FGD4: variants seen among roughly 807,000 people sequenced by gnomAD.
The protein encoded by FGD4 is FYVE, RhoGEF and PH domain containing 4.
FGD4 carries 42 observed loss-of-function variants against 102.0 expected under a neutral mutation model. The ratio of observed to expected loss-of-function variants is 0.41; its 90% confidence interval spans 0.32 to 0.53. FGD4 has a LOEUF of 0.53. Ranked by LOEUF, FGD4 falls within the 20% of genes least tolerant of loss-of-function variation. FGD4 has a pLI of 0.21. For synonymous variants in FGD4, 380 were observed against 375.7 expected (o/e 1.01, Z -0.13); for missense variants, 902 against 1,078.2 (o/e 0.84, Z 2.29).
intron 1 of FGD4, among the ~76,000 whole-genome samples, chr12:32,458,722 T>A (rs992130225): frequency 3.3e-5 from 5 of 152,196 alleles, no homozygotes; most frequent in African/African-American, 1.2e-4. Context: ...TTTCTTAAGG[T>A]TACTTGACAA....
chr12:32,498,163 C>T (rs1937937216), intron 1 of FGD4, among the ~76,000 whole-genome samples: 1 of 152,164 alleles, frequency 6.6e-6, no homozygotes, highest in Admixed American at 6.5e-5. Context: ...ACATAACTCC[C>T]AAAATATGTG....
intron 1 of FGD4, among the ~76,000 whole-genome samples, chr12:32,406,046 T>G (rs1940918516): frequency 6.6e-6 from 1 of 151,920 alleles, no homozygotes; most frequent in African/African-American, 2.4e-5. Flanking sequence ...TGGGTTCAAG[T>G]GATTCTCCTG....
intron 3 of FGD4, among the ~76,000 whole-genome samples, 195 bp downstream of exon 3, chr12:32,576,644 T>C (rs889670119): frequency 6.6e-6 from 1 of 152,232 alleles, no homozygotes; most frequent in African/African-American, 2.4e-5. Flanking sequence ...TTACTATGTA[T>C]TAGCTAGGTA....
chr12:32,423,855 G>T (rs1941739391), intron 1 of FGD4, among the ~76,000 whole-genome samples: 5 of 146,984 alleles, frequency 3.4e-5, no homozygotes, highest in Admixed American at 3.4e-4. Context: ...TGGCACTGGT[G>T]GGAGTGTTTT....
intron 1 of FGD4, among the ~76,000 whole-genome samples, chr12:32,440,652 T>A (rs12313686): frequency 0.041 from 6,250 of 152,148 alleles, 409 homozygotes; most frequent in African/African-American, 0.14. Context: ...TTGCCCAAGG[T>A]TTGCTATAAC....
intron 1 of FGD4, among the ~76,000 whole-genome samples, chr12:32,434,954 TTTTTTCTTTTC>T (rs1361500091): frequency 5.3e-5 from 8 of 152,154 alleles, no homozygotes; most frequent in African/African-American, 1.7e-4. Context: ...CTTTTCTTTT[TTTTTTCTTTTC>T]TTTTCTTTCT....
intron 1 of FGD4, among the ~76,000 whole-genome samples, chr12:32,492,712 G>T (rs1444406479): frequency 6.6e-6 from 1 of 152,148 alleles, no homozygotes; most frequent in East Asian, 1.9e-4. Flanking sequence ...GATGGGAAAA[G>T]ATATCATCAG....
chr12:32,571,215 G>T (rs1367255334), intron 2 of FGD4, among the ~76,000 whole-genome samples: 1 of 152,170 alleles, frequency 6.6e-6, no homozygotes, highest in Non-Finnish European at 1.5e-5. Context: ...TGCACTTTGG[G>T]AGGCTGAGGC....
At chr12:32,607,266 G>C (rs572884390) in intron 7 of FGD4, among the ~76,000 whole-genome samples, 67 of 152,174 alleles carry the variant, frequency 4.4e-4, no homozygotes, top group African/African-American at 1.6e-3. Context: ...AGAAATATCA[G>C]GTGTTTTTAA....
rs1269339938 is a variant in FGD4, at chr12:32,645,243, T to G, written c.*4710T>G. The G allele has an allele frequency of 6.6e-6, 1 of 152,240 alleles. No individual in the cohort carries two copies. Among genetic ancestry groups the G allele is most frequent in the African/African-American group, 2.4e-5 (1 of 41,546 alleles). 9.4% of individuals were successfully genotyped at this position (152,240 alleles called of 1,614,324 possible). ...TATGGATATTGGAATGTATCACTTG[T>G]GGGGGGTTCTCTTCATTAGCAAAAC... On this transcript the variant is annotated 3_prime_UTR_variant, in exon 17 of 17. Transcript: ENST00000534526.
rs1245510421 is a variant in FGD4, at chr12:32,600,588, C to CTTTT, written c.1102-687_1102-686insTTTT. 714 of 257,708 alleles carry CTTTT rather than the reference C, an allele frequency of 2.8e-3. 10 individuals are homozygous for CTTTT. The highest frequency in any genetic ancestry group is 0.022 in the African/African-American group (614 of 28,080). The allele number at this position is 257,708 out of a possible 1,614,324, so 16.0% of individuals were successfully genotyped here. A position where few individuals can be genotyped will look rare whatever the true frequency, so the allele number is the denominator to read the frequency against. On this transcript the variant is annotated intron_variant, in intron 5 of 16. Coordinates refer to ENST00000534526, the MANE Select transcript of FGD4 (RefSeq NM_001370298.3). ...TTTGTTTTTCTTTCTTTCTTTCTTTCTTTCTTTTTTTTTTTTTTGTCTTCA... is the reference window on the plus strand; with the variant it reads ...TTTGTTTTTCTTTCTTTCTTTCTTTCTTTTTTTCTTTTTTTTTTTTTTGTCTTCA...
chr12:32,581,563 G>C (rs1946617293), intron 3 of FGD4, among the ~76,000 whole-genome samples: 1 of 152,134 alleles, frequency 6.6e-6, no homozygotes, highest in Admixed American at 6.5e-5. Context: ...ACATCAATAA[G>C]TAAAAATGTT....
chr12:32,624,335 G>C (rs1592449045), intron 11 of FGD4, 87 bp from the exon 12 acceptor site: 3 of 1,081,590 alleles, frequency 2.8e-6, no homozygotes, highest in East Asian at 5.0e-5. Context: ...TTTCCAGAAA[G>C]TTGGAACAAC....
intron 15 of FGD4, among the ~76,000 whole-genome samples, chr12:32,635,281 G>C (rs16920118): frequency 6.6e-6 from 1 of 152,162 alleles, no homozygotes; most frequent in African/African-American, 2.4e-5. Flanking sequence ...ACTTAATAGC[G>C]ACAACTGATG....
In FGD4 at chr12:32,399,737, C is replaced by G; in HGVS notation, c.-57C>G. 2 of 1,513,018 alleles carry G rather than the reference C, an allele frequency of 1.3e-6. No homozygotes were observed. Among genetic ancestry groups the G allele is most frequent in the Non-Finnish European group, 1.8e-6 (2 of 1,138,532 alleles). The allele number at this position is 1,513,018 out of a possible 1,614,324, so 93.7% of individuals were successfully genotyped here. A position where few individuals can be genotyped will look rare whatever the true frequency, so the allele number is the denominator to read the frequency against. On this transcript the variant is annotated 5_prime_UTR_variant, in exon 1 of 17. Transcript: ENST00000534526. ...CATGCAGGCGACGCCCCCCAGGGGCCGCTCGCGGCTGGACGGGAGCGGGAG... is the reference window on the plus strand; with the variant it reads ...CATGCAGGCGACGCCCCCCAGGGGCGGCTCGCGGCTGGACGGGAGCGGGAG...
At chr12:32,611,589 C>G (rs1287730881) in intron 10 of FGD4, among the ~76,000 whole-genome samples, 2 of 151,496 alleles carry the variant, frequency 1.3e-5, no homozygotes, top group Non-Finnish European at 2.9e-5. Flanking sequence ...GAGACTCCAT[C>G]TAAAAAAAAG....
chr12:32,426,359 A>G (rs558792282), intron 1 of FGD4, among the ~76,000 whole-genome samples: 1 of 152,206 alleles, frequency 6.6e-6, no homozygotes, highest in South Asian at 2.1e-4. Flanking sequence ...TATGTGATGG[A>G]TTACGTTTAT....
intron 1 of FGD4, among the ~76,000 whole-genome samples, chr12:32,480,101 TG>T (rs1255242566): frequency 1.0e-3 from 156 of 152,104 alleles, no homozygotes; most frequent in African/African-American, 3.7e-3. Context: ...CTGTAAAGTC[TG>T]TTTTTCAGCA....
At chr12:32,554,938 A>G (rs1943971621) in intron 1 of FGD4, among the ~76,000 whole-genome samples, 1 of 152,252 alleles carries the variant, frequency 6.6e-6, no homozygotes, top group African/African-American at 2.4e-5. Flanking sequence ...AAACTACTGC[A>G]AAGAACTTGA....
Sources: gnomAD v4.1 joint callset for allele counts (sites outside exome capture counted in the v4.1 genomes callset) on GRCh38, gnomAD v4.1.1 for gene constraint, MANE v1.5 for transcripts, NCBI Gene and HGNC (gene_info 2026-07-23, HGNC 2026-07-21) for gene names.